The following LCOR variants were observed in gnomAD, a reference collection of about 807,000 sequenced individuals.
The protein encoded by LCOR is ligand dependent nuclear receptor corepressor.
A neutral mutation model predicts 64.4 loss-of-function variants in LCOR; 14 were observed. The observed-to-expected ratio is 0.22, with a 90% CI of 0.14 to 0.34. The LOEUF is 0.34. Among genes scored for constraint, LCOR ranks in the 10% least tolerant of loss-of-function variants. LCOR has a pLI of 1.00. For missense variants in LCOR, 1,686 were observed against 1,765.3 expected (o/e 0.96, Z 0.80); for synonymous variants, 643 against 642.5 (o/e 1.00, Z -0.01).
chr10:96,892,338 C>G (rs1328615971), intron 2 of LCOR, among the ~76,000 whole-genome samples: 1 of 152,026 alleles, frequency 6.6e-6, no homozygotes, highest in Non-Finnish European at 1.5e-5. Flanking sequence ...TATATAATGT[C>G]CTTTGTCTTT....
chr10:96,949,357 A>G, intron 6 of LCOR, 62 bp downstream of exon 6: 1 of 1,475,782 alleles, frequency 6.8e-7, no homozygotes, highest in Non-Finnish European at 9.3e-7. Context: ...GGGAGAAAAA[A>G]AAAAGCATTG....
intron 2 of LCOR, among the ~76,000 whole-genome samples, chr10:96,880,248 T>C (rs544133288): frequency 6.6e-6 from 1 of 152,312 alleles, no homozygotes; most frequent in East Asian, 1.9e-4. Context: ...CAGTTTGAAA[T>C]AATGTAACTT....
chr10:96,877,011 A>G (rs183929385), intron 2 of LCOR, among the ~76,000 whole-genome samples: 21 of 152,238 alleles, frequency 1.4e-4, no homozygotes, highest in African/African-American at 4.8e-4. Context: ...TGTATATAAA[A>G]ATTGTTCAGT....
intron 6 of LCOR, among the ~76,000 whole-genome samples, chr10:96,949,546 C>T (rs979636074): frequency 6.6e-6 from 1 of 152,182 alleles, no homozygotes; most frequent in African/African-American, 2.4e-5. Context: ...TGTCACTAAT[C>T]TTTCAGTTAC....
chr10:96,905,767 A>G (rs920302234), intron 2 of LCOR, among the ~76,000 whole-genome samples: 1 of 152,166 alleles, frequency 6.6e-6, no homozygotes, highest in African/African-American at 2.4e-5. Context: ...TCTTGATGGG[A>G]ATTAAAGAGA....
rs772713658 is a variant in LCOR, at chr10:96,985,045, C to T, written c.4585C>T (p.Pro1529Ser). 5.6e-6 allele frequency: 9 copies of T among 1,614,016 alleles called. No individual in the cohort carries two copies. Among genetic ancestry groups the T allele is most frequent in the African/African-American group, 1.3e-5 (1 of 74,914 alleles). ...TCGGGCCAGACCCTCAACGAAAACC[C>T]CAGAGAGCAGTGCAGCTCAGAGAAA... is the stretch of plus-strand genomic sequence containing the variant. ...KTRARPSTKT[P>S]ESSAAQRKRK... Residue 1529 changes from proline (P) to serine (S), a missense_variant, in exon 8 of 8, where the codon CCA becomes TCA. By Grantham distance (74) the Pro-to-Ser change is moderately conservative. Around this residue, in one of 3 missense-constraint regions of LCOR, gnomAD observed 1,293 missense variants for 1,410.4 expected, o/e 0.92. Transcript: ENST00000421806.
intron 2 of LCOR, among the ~76,000 whole-genome samples, chr10:96,892,449 A>G (rs907493390): frequency 1.3e-5 from 2 of 152,180 alleles, no homozygotes; most frequent in African/African-American, 2.4e-5. Context: ...GGGAAGTTCA[A>G]GATCAAGACA....
Position 96,846,063 on chromosome 10 carries a change from T to C in LCOR, c.-330+12584T>C, listed in dbSNP as rs893072662. On this transcript the variant is annotated intron_variant, in intron 2 of 7. Transcript: ENST00000421806. ...CTCTACTGAAAATACAAAAACTAGC[T>C]GGGCATGGTGGTGTACAGCTGTAAT... 2.0e-5 allele frequency among the ~76,000 whole-genome samples: 3 copies of C among 151,916 alleles called. No individual in the cohort carries two copies. The East Asian group carries it at 5.9e-4, about 30-fold the overall frequency.
chr10:96,947,381 C>T (rs1277301943), intron 5 of LCOR, among the ~76,000 whole-genome samples: 1 of 151,942 alleles, frequency 6.6e-6, no homozygotes, highest in East Asian at 1.9e-4. Context: ...GAAAAAATTG[C>T]CTGTTCTTAG....
intron 1 of LCOR, among the ~76,000 whole-genome samples, chr10:96,832,700 C>T (rs918809321): frequency 7.9e-5 from 12 of 150,990 alleles, no homozygotes; most frequent in African/African-American, 2.4e-4. Context: ...CGCTCCCCTC[C>T]CTCCCCGCTC....
chr10:96,859,202 T>C (rs1022227621), intron 2 of LCOR, among the ~76,000 whole-genome samples: 3 of 152,168 alleles, frequency 2.0e-5, no homozygotes, highest in African/African-American at 7.2e-5. Context: ...TACTTTTGGC[T>C]TTGTTCTTTG....
At chr10:96,857,877 CCTCT>C (rs561121038) in intron 2 of LCOR, among the ~76,000 whole-genome samples, 35 of 152,268 alleles carry the variant, frequency 2.3e-4, no homozygotes, top group Non-Finnish European at 4.1e-4. Flanking sequence ...TTCAGTTTCA[CCTCT>C]CTCTCTATAC....
chr10:96,951,380 A>C (rs1412632850), intron 6 of LCOR, among the ~76,000 whole-genome samples: 3 of 152,104 alleles, frequency 2.0e-5, no homozygotes, highest in Non-Finnish European at 4.4e-5. Context: ...AACTTTCTTC[A>C]CCAATTTTTA....
At chr10:96,920,432 G>T (rs199508886) in intron 4 of LCOR, among the ~76,000 whole-genome samples, 655 of 2,960 alleles carry the variant, frequency 0.22, 10 homozygotes, top group South Asian at 0.46. Flanking sequence ...TCATATATAT[G>T]TGTATATATG....
At chr10:96,919,807 A>G (rs1218996430) in intron 4 of LCOR, among the ~76,000 whole-genome samples, 1 of 152,132 alleles carries the variant, frequency 6.6e-6, no homozygotes, top group Non-Finnish European at 1.5e-5. Context: ...ATGTTTTTCT[A>G]TATTGTTGTA....
At chr10:96,963,221 A>T (rs534163901) in intron 7 of LCOR, 2 of 138,056 alleles carry the variant, frequency 1.4e-5, no homozygotes, top group African/African-American at 3.5e-5. Context: ...GTATTTTTTA[A>T]AAAAAGCGCA....
chr10:96,846,074 G>T (rs1228650207), intron 2 of LCOR, among the ~76,000 whole-genome samples: 3 of 151,940 alleles, frequency 2.0e-5, no homozygotes, highest in African/African-American at 7.3e-5. Context: ...GGGCATGGTG[G>T]TGTACAGCTG....
chr10:96,869,956 T>G (rs1435466714), intron 2 of LCOR, among the ~76,000 whole-genome samples: 1 of 152,222 alleles, frequency 6.6e-6, no homozygotes, highest in Non-Finnish European at 1.5e-5. Flanking sequence ...CCTGTGGTGC[T>G]TATCATTAAG....
chr10:96,870,587 G>A lies in LCOR; in HGVS notation c.-329-36678G>A, dbSNP rs554733677. Among the ~76,000 whole-genome samples the A allele has an allele frequency of 2.0e-5, 3 of 152,234 alleles. No individual in the cohort carries two copies. In the East Asian group the frequency reaches 5.8e-4, roughly 29 times the overall value. ...GTCTTTTTAAAGTTTTGAAAAACAT[G>A]TGCTATTTGGAATTACGTCATCCTC... is the stretch of plus-strand genomic sequence containing the variant. On this transcript the variant is annotated intron_variant, in intron 2 of 7. Transcript: ENST00000421806.
Sources: allele counts gnomAD v4.1 joint callset (sites outside exome capture counted in the v4.1 genomes callset), GRCh38; gene constraint gnomAD v4.1.1; regional missense constraint gnomAD v4.1.1; transcripts MANE v1.5; gene names NCBI Gene and HGNC (gene_info 2026-07-23, HGNC 2026-07-21).